The following SLC25A30 variants were observed in gnomAD, a reference collection of about 807,000 sequenced individuals.
SLC25A30 encodes the protein solute carrier family 25 member 30, also known as kidney mitochondrial carrier protein 1.
A neutral mutation model predicts 42.7 loss-of-function variants in SLC25A30; 29 were observed. That is an observed-to-expected ratio of 0.68 (90% CI 0.51 to 0.93). The LOEUF is 0.93. Among genes scored for constraint, SLC25A30 ranks in the 40% least tolerant of loss-of-function variants. SLC25A30 has a pLI of 0.00. For missense variants in SLC25A30, 300 were observed against 359.7 expected (o/e 0.83, Z 1.34); for synonymous variants, 124 against 131.0 (o/e 0.95, Z 0.37).
intron 2 of SLC25A30, among the ~76,000 whole-genome samples, chr13:45,409,664 C>G (rs1239982941): frequency 6.6e-6 from 1 of 152,012 alleles, no homozygotes; most frequent in Non-Finnish European, 1.5e-5. Context: ...CAAAAATTAG[C>G]TGGGCGTGGT....
the SLC25A30 span, among the ~76,000 whole-genome samples, chr13:45,425,633 T>A: frequency 9.0e-6 from 1 of 110,878 alleles, no homozygotes; most frequent in East Asian, 2.1e-4. Flanking sequence ...TATATAAGTA[T>A]ATATAAATAT....
chr13:45,426,326 C>T, the SLC25A30 span, among the ~76,000 whole-genome samples: 1 of 152,026 alleles, frequency 6.6e-6, no homozygotes, highest in Admixed American at 6.6e-5. Flanking sequence ...ACCTCGTGAT[C>T]CACCCGCCCT....
the SLC25A30 span, among the ~76,000 whole-genome samples, chr13:45,423,592 T>TATATATATATAAATATATATAAA: frequency 1.6e-3 from 37 of 23,726 alleles, 11 homozygotes; most frequent in Non-Finnish European, 3.8e-3. Context: ...TATATATAAA[T>TATATATATATAAATATATATAAA]ATATATATAT....
chr13:45,396,843 CT>C, intron 9 of SLC25A30: 1 of 174,092 alleles, frequency 5.7e-6, no homozygotes, highest in Non-Finnish European at 1.2e-5. Context: ...GCGTGCTGGC[CT>C]GCCAAACAAT....
At chr13:45,408,144 T>A (rs757784776) in intron 3 of SLC25A30, among the ~76,000 whole-genome samples, 2 of 152,152 alleles carry the variant, frequency 1.3e-5, no homozygotes, top group Non-Finnish European at 2.9e-5. Context: ...GCAGATGCCA[T>A]GAGTGAATGA....
the SLC25A30 span, among the ~76,000 whole-genome samples, chr13:45,426,459 C>T: frequency 5.3e-5 from 8 of 152,180 alleles, no homozygotes; most frequent in African/African-American, 1.2e-4. Flanking sequence ...TTTTTCCTCC[C>T]GGGCCCTAAA....
intron 1 of SLC25A30, among the ~76,000 whole-genome samples, chr13:45,412,206 A>T (rs1408398634): frequency 6.6e-6 from 1 of 151,832 alleles, no homozygotes; most frequent in Non-Finnish European, 1.5e-5. Context: ...CGTAGCCTCA[A>T]CCTCCTGGGC....
intron 3 of SLC25A30, among the ~76,000 whole-genome samples, chr13:45,408,653 A>AT (rs1330284536): frequency 6.6e-6 from 1 of 152,248 alleles, no homozygotes; most frequent in Non-Finnish European, 1.5e-5. Flanking sequence ...TCAAAGCATG[A>AT]AAAACCGAAC....
chr13:45,413,293 TTAAG>T (rs1473962002), intron 1 of SLC25A30, among the ~76,000 whole-genome samples: 1 of 152,264 alleles, frequency 6.6e-6, no homozygotes, highest in African/African-American at 2.4e-5. Context: ...ATAACTGCAC[TTAAG>T]TAATTCTTAG....
chr13:45,424,406 A>T, the SLC25A30 span, among the ~76,000 whole-genome samples: 6 of 67,316 alleles, frequency 8.9e-5, no homozygotes, highest in Non-Finnish European at 1.3e-4. Flanking sequence ...TAAATATATA[A>T]AAATATATAT....
chr13:45,411,821 AAG>A, intron 1 of SLC25A30: 1 of 215,278 alleles, frequency 4.6e-6, no homozygotes, highest in East Asian at 1.2e-4. Context: ...TTCATGCAAT[AAG>A]TATTTGCAGC....
chr13:45,417,534 C>G (rs911549306), intron 1 of SLC25A30, among the ~76,000 whole-genome samples: 1 of 152,082 alleles, frequency 6.6e-6, no homozygotes, highest in East Asian at 1.9e-4. Context: ...CACAGACTTA[C>G]AAAAAGCCGG....
At chr13:45,423,039 T>G (rs996242721), upstream of SLC25A30, among the ~76,000 whole-genome samples, 1 of 152,110 alleles carries the variant, frequency 6.6e-6, no homozygotes, top group African/African-American at 2.4e-5. Context: ...CTCGACAGTC[T>G]TCCCATGAAA....
intron 4 of SLC25A30, among the ~76,000 whole-genome samples, chr13:45,405,616 A>G (rs935295133): frequency 6.6e-6 from 1 of 152,244 alleles, no homozygotes; most frequent in South Asian, 2.1e-4. Flanking sequence ...TGGAATAGTA[A>G]CAACACATCC....
At chr13:45,415,796 A>ATT (rs557873011) in intron 1 of SLC25A30, among the ~76,000 whole-genome samples, 46 of 96,116 alleles carry the variant, frequency 4.8e-4, no homozygotes, top group African/African-American at 1.2e-3. Flanking sequence ...TGGCTGAATA[A>ATT]TTTTTTTTTT....
chr13:45,426,530 T>G, the SLC25A30 span, among the ~76,000 whole-genome samples: 1 of 152,202 alleles, frequency 6.6e-6, no homozygotes, highest in Non-Finnish European at 1.5e-5. Flanking sequence ...TACGTGAACC[T>G]TTAGCAAAAT....
the SLC25A30 span, among the ~76,000 whole-genome samples, chr13:45,423,928 CAT>C: frequency 4.5e-3 from 183 of 40,846 alleles, 1 homozygote; most frequent in African/African-American, 0.013. Flanking sequence ...TATATATAAA[CAT>C]ATATAAATAT....
the SLC25A30 span, among the ~76,000 whole-genome samples, chr13:45,431,695 A>G: frequency 2.0e-5 from 3 of 151,860 alleles, no homozygotes; most frequent in South Asian, 6.2e-4. Flanking sequence ...ACGATTGCAC[A>G]CTTCTATCTC....
upstream of SLC25A30, among the ~76,000 whole-genome samples, chr13:45,419,025 G>A (rs143139045): frequency 0.033 from 4,355 of 133,436 alleles, 156 homozygotes; most frequent in African/African-American, 0.076. Flanking sequence ...CAGCCACTCG[G>A]GAGGCTGAAA....
Sources: allele counts gnomAD v4.1 joint callset (sites outside exome capture counted in the v4.1 genomes callset), GRCh38; gene constraint gnomAD v4.1.1; transcripts MANE v1.5; gene names NCBI Gene and HGNC (gene_info 2026-07-23, HGNC 2026-07-21).